Variants in MRTFB observed in about 807,000 individuals in gnomAD.
The protein encoded by MRTFB is myocardin related transcription factor B.
MRTFB carries 29 observed loss-of-function variants against 104.2 expected under a neutral mutation model. The ratio of observed to expected loss-of-function variants is 0.28; its 90% CI spans 0.21 to 0.38. MRTFB has a LOEUF of 0.38. Ranked by LOEUF, MRTFB falls within the 10% of genes least tolerant of loss-of-function variation. The pLI is 1.00. For missense variants in MRTFB, 1,270 were observed against 1,341.6 expected (o/e 0.95, Z 0.83); for synonymous variants, 535 against 519.5 (o/e 1.03, Z -0.41).
chr16:14,173,056 TG>T lies in MRTFB; in HGVS notation c.154+32298del. The stretch of plus-strand genomic sequence containing the variant: ...TCAATATTTATTCAGCATACTCATA[TG>T]GTTTGATTTGTTTTCTTTTGTTACA... On this transcript the variant is annotated intron_variant, in intron 3 of 16. Coordinates refer to ENST00000571589, the MANE Select transcript of MRTFB (RefSeq NM_001308142.2). Among the ~76,000 whole-genome samples the T allele has an allele frequency of 2.0e-5, 3 of 152,328 alleles. No individual in the cohort carries two copies. In the South Asian group the frequency reaches 6.2e-4, roughly 32 times the overall value.
intron 2 of MRTFB, among the ~76,000 whole-genome samples, chr16:14,134,894 A>G (rs1163319764): frequency 2.0e-5 from 3 of 152,226 alleles, no homozygotes; most frequent in Non-Finnish European, 2.9e-5. Context: ...CATCTATAAA[A>G]TGGGAATGTT....
At chr16:14,181,807 T>A (rs1441879396) in intron 3 of MRTFB, among the ~76,000 whole-genome samples, 1 of 152,218 alleles carries the variant, frequency 6.6e-6, no homozygotes, top group East Asian at 1.9e-4. Flanking sequence ...GAGCTGCATT[T>A]GTTTGTATTC....
At chr16:14,240,545 A>G (rs909277734) in intron 10 of MRTFB, 61 bp downstream of exon 10, 7 of 1,612,614 alleles carry the variant, frequency 4.3e-6, no homozygotes, top group East Asian at 4.5e-5. Flanking sequence ...ATGAGGAACT[A>G]TAAGTTACCA....
the MRTFB span, among the ~76,000 whole-genome samples, chr16:14,061,147 A>G: frequency 6.6e-6 from 1 of 151,628 alleles, no homozygotes; most frequent in African/African-American, 2.4e-5. Flanking sequence ...CTCCGTCTCA[A>G]AAAAAAAACA....
chr16:14,082,949 G>A (rs903389355), intron 2 of MRTFB, among the ~76,000 whole-genome samples: 4 of 152,196 alleles, frequency 2.6e-5, no homozygotes, highest in Non-Finnish European at 5.9e-5. Context: ...TACACTTTGG[G>A]TAGTATGGTC....
intron 8 of MRTFB, among the ~76,000 whole-genome samples, chr16:14,221,190 A>G (rs2041685650): frequency 6.6e-6 from 1 of 152,154 alleles, no homozygotes; most frequent in African/African-American, 2.4e-5. Flanking sequence ...GGGGATTTTT[A>G]TGTCATCTAG....
chr16:14,115,308 C>T (rs889931358), intron 2 of MRTFB, among the ~76,000 whole-genome samples: 8 of 152,192 alleles, frequency 5.3e-5, no homozygotes, highest in Admixed American at 3.9e-4. Context: ...TTAGTTATTT[C>T]CCCAAATCCT....
At position 14,177,779 on chromosome 16, in the gene MRTFB, C is replaced by T. The variant is rs2039633618; in HGVS notation, c.155-32464C>T. On this transcript the variant is annotated intron_variant, in intron 3 of 16. Transcript: ENST00000571589. The surrounding 1 kb of genome is among the most constrained non-coding windows in gnomAD (Gnocchi z 4.7). ...TCGAGGCTGCAGCGAGTAATAATTGCACCACTGTACTCCAGCCTGGACAAC... is the reference window on the plus strand; with the variant it reads ...TCGAGGCTGCAGCGAGTAATAATTGTACCACTGTACTCCAGCCTGGACAAC... Among the ~76,000 whole-genome samples, 1 of 151,962 alleles carries T rather than the reference C, an allele frequency of 6.6e-6. No homozygotes were observed. The highest frequency in any genetic ancestry group is 1.5e-5 in the Non-Finnish European group (1 of 68,006).
chr16:14,005,795 A>G, the MRTFB span, among the ~76,000 whole-genome samples: 2 of 152,220 alleles, frequency 1.3e-5, no homozygotes, highest in African/African-American at 4.8e-5. Flanking sequence ...TTCATCCATC[A>G]AATACACATG....
At chr16:14,066,800 A>G (rs943559994), upstream of MRTFB, among the ~76,000 whole-genome samples, 1 of 151,974 alleles carries the variant, frequency 6.6e-6, no homozygotes, top group Non-Finnish European at 1.5e-5. Flanking sequence ...AGTTGCTAGT[A>G]CTACAGGCAC....
chr16:14,012,501 T>C, the MRTFB span, among the ~76,000 whole-genome samples: 3 of 151,986 alleles, frequency 2.0e-5, no homozygotes, highest in African/African-American at 7.3e-5. Context: ...GGTTTCTCCG[T>C]GTTAGCCAGG....
chr16:14,053,791 G>C, the MRTFB span, among the ~76,000 whole-genome samples: 1 of 151,770 alleles, frequency 6.6e-6, no homozygotes, highest in Non-Finnish European at 1.5e-5. Flanking sequence ...AGCTACTCAA[G>C]AGGCTGAGGC....
At chr16:14,242,867 A>G (rs1266095557) in intron 10 of MRTFB, among the ~76,000 whole-genome samples, 1 of 150,004 alleles carries the variant, frequency 6.7e-6, no homozygotes, top group African/African-American at 2.4e-5. Context: ...TCTCAACAGG[A>G]AAAAAAAAAC....
chr16:14,205,083 A>G (rs2040881351), intron 3 of MRTFB, among the ~76,000 whole-genome samples: 1 of 152,232 alleles, frequency 6.6e-6, no homozygotes, highest in Non-Finnish European at 1.5e-5. Flanking sequence ...TGATCGGAGT[A>G]TGTAGAAGCA....
At chr16:14,249,999 T>C (rs538023156) in intron 13 of MRTFB, among the ~76,000 whole-genome samples, 156 of 152,282 alleles carry the variant, frequency 1.0e-3, no homozygotes, top group African/African-American at 3.4e-3. Context: ...TGGGGAAAGC[T>C]CGAAATACCA....
At chr16:13,997,091 G>A in the MRTFB span, among the ~76,000 whole-genome samples, 2 of 152,220 alleles carry the variant, frequency 1.3e-5, no homozygotes, top group African/African-American at 4.8e-5. Context: ...ATCATCCCAT[G>A]ACATCATTTT....
intron 16 of MRTFB, 74 bp downstream of exon 16, chr16:14,258,235 CACTCA>C: frequency 8.8e-7 from 1 of 1,140,432 alleles, no homozygotes; most frequent in Non-Finnish European, 1.3e-6. Context: ...TTTTCTTAAG[CACTCA>C]TAGCTTATCT....
chr16:14,159,095 G>A (rs2038935082), intron 3 of MRTFB, among the ~76,000 whole-genome samples: 1 of 152,064 alleles, frequency 6.6e-6, no homozygotes, highest in Non-Finnish European at 1.5e-5. Context: ...TCACACCACT[G>A]CACTGTAGCC....
intron 13 of MRTFB, among the ~76,000 whole-genome samples, chr16:14,250,084 A>T (rs2043193556): frequency 6.6e-6 from 1 of 152,242 alleles, no homozygotes; most frequent in African/African-American, 2.4e-5. Context: ...GGAAAAAATA[A>T]TATGTAGATA....
Sources: gnomAD v4.1 joint callset for allele counts (sites outside exome capture counted in the v4.1 genomes callset) on GRCh38, gnomAD v4.1.1 for gene constraint, Gnocchi (gnomAD v3.1) non-coding constraint, MANE v1.5 for transcripts, NCBI Gene and HGNC (gene_info 2026-07-23, HGNC 2026-07-21) for gene names.